STXBP6: variants seen among roughly 807,000 people sequenced by gnomAD.
The protein encoded by STXBP6 is syntaxin binding protein 6, also known as syntaxin-binding protein 6.
In STXBP6, 21 loss-of-function variants were observed where a neutral mutation model predicts 26.9. That is an observed-to-expected ratio of 0.78 (90% CI 0.55 to 1.12). The LOEUF is 1.12. STXBP6 is among the 50% of genes most tolerant of loss of function. STXBP6 has a pLI of 0.00. For missense variants in STXBP6, 232 were observed against 257.9 expected (o/e 0.90, Z 0.69); for synonymous variants, 97 against 92.6 (o/e 1.05, Z -0.27).
chr14:24,946,542 G>T (rs1478810128), intron 2 of STXBP6, among the ~76,000 whole-genome samples: 1 of 152,166 alleles, frequency 6.6e-6, no homozygotes. Context: ...TGGTGAAAGA[G>T]GACTGGAAAA....
At chr14:24,978,457 C>G (rs77586768) in intron 1 of STXBP6, among the ~76,000 whole-genome samples, 5,030 of 152,242 alleles carry the variant, frequency 0.033, 115 homozygotes, top group Middle Eastern at 0.078. Context: ...CTTTATCAAG[C>G]CTTACGTCTT....
At chr14:24,848,147 A>G (rs1025840445) in intron 4 of STXBP6, among the ~76,000 whole-genome samples, 1 of 152,194 alleles carries the variant, frequency 6.6e-6, no homozygotes, top group African/African-American at 2.4e-5. Context: ...GCATATTTGT[A>G]GTGTTTAAAA....
At chr14:25,026,577 AC>A (rs1223084540) in intron 1 of STXBP6, among the ~76,000 whole-genome samples, 2 of 152,218 alleles carry the variant, frequency 1.3e-5, no homozygotes, top group African/African-American at 4.8e-5. Flanking sequence ...GTCCGATCTT[AC>A]CACCAAGTGA....
At chr14:24,929,440 C>A (rs537210187) in intron 2 of STXBP6, among the ~76,000 whole-genome samples, 18 of 152,204 alleles carry the variant, frequency 1.2e-4, no homozygotes, top group Admixed American at 1.2e-3. Context: ...CCAAACCATT[C>A]CCTTTCTGAT....
chr14:24,840,351 T>G (rs1437277387), intron 4 of STXBP6, among the ~76,000 whole-genome samples: 1 of 152,196 alleles, frequency 6.6e-6, no homozygotes, highest in Non-Finnish European at 1.5e-5. Flanking sequence ...TTACTTTTCC[T>G]CAACAAGATG....
At chr14:24,981,193 AT>A (rs1422575206) in intron 1 of STXBP6, among the ~76,000 whole-genome samples, 1 of 152,214 alleles carries the variant, frequency 6.6e-6, no homozygotes, top group Non-Finnish European at 1.5e-5. Context: ...CTAATCCCAA[AT>A]GTGTAATCAA....
chr14:24,914,762 T>A (rs1168772036), intron 2 of STXBP6, among the ~76,000 whole-genome samples: 1 of 152,222 alleles, frequency 6.6e-6, no homozygotes, highest in Non-Finnish European at 1.5e-5. Flanking sequence ...AATTCTTTGA[T>A]GGAGATTTAT....
rs1477246658 is a variant in STXBP6, at chr14:24,812,565, A to G, written c.*144T>C. 1 of 701,486 alleles carries G rather than the reference A, an allele frequency of 1.4e-6. No individual in the cohort carries two copies. The highest frequency in any genetic ancestry group is 1.8e-5 in the African/African-American group (1 of 55,360). 43.5% of individuals were successfully genotyped at this position (701,486 alleles called of 1,614,324 possible). ...ATGCAACACCCTTTCTTTCACATTA[A>G]CATCTGAAAAGAAAAAACAAAAACC... On this transcript the variant is annotated 3_prime_UTR_variant, in exon 6 of 6. Transcript: ENST00000323944.
At chr14:25,019,923 A>G (rs1375375002) in intron 1 of STXBP6, among the ~76,000 whole-genome samples, 2 of 150,974 alleles carry the variant, frequency 1.3e-5, no homozygotes, top group African/African-American at 4.9e-5. Context: ...TCAAGTATAA[A>G]AAATGCTGGT....
At chr14:24,862,638 T>C (rs761405222) in intron 2 of STXBP6, among the ~76,000 whole-genome samples, 2 of 152,020 alleles carry the variant, frequency 1.3e-5, no homozygotes, top group Non-Finnish European at 2.9e-5. Context: ...TCTCCAAAAG[T>C]GGAAGAAGAA....
At chr14:25,021,774 C>T (rs930859099) in intron 1 of STXBP6, among the ~76,000 whole-genome samples, 1 of 152,288 alleles carries the variant, frequency 6.6e-6, no homozygotes, top group Non-Finnish European at 1.5e-5. Context: ...GAACCTAGGC[C>T]CCCTTTCTCT....
chr14:24,995,030 A>C (rs75283407), intron 1 of STXBP6: 3 of 152,534 alleles, frequency 2.0e-5, no homozygotes, highest in Admixed American at 6.7e-5. Context: ...AAAAAAAAAA[A>C]CCACACACAC....
chr14:24,990,328 G>C (rs2140281403), intron 1 of STXBP6, among the ~76,000 whole-genome samples: 1 of 152,252 alleles, frequency 6.6e-6, no homozygotes, highest in Non-Finnish European at 1.5e-5. Flanking sequence ...GCCCGACTTA[G>C]GAAGAATCAA....
At chr14:24,865,068 A>C (rs1230886111) in intron 2 of STXBP6, among the ~76,000 whole-genome samples, 1 of 33,956 alleles carries the variant, frequency 2.9e-5, no homozygotes, top group Non-Finnish European at 1.5e-4. Context: ...AAAATATTTT[A>C]ATTTTTAATT....
At chr14:25,047,236 C>G (rs2075741281) in intron 1 of STXBP6, among the ~76,000 whole-genome samples, 1 of 152,112 alleles carries the variant, frequency 6.6e-6, no homozygotes, top group African/African-American at 2.4e-5. Flanking sequence ...CCGGCACTAC[C>G]CAAGGGTGAT....
At chr14:24,965,002 C>T (rs1180237619) in intron 2 of STXBP6, among the ~76,000 whole-genome samples, 1 of 152,134 alleles carries the variant, frequency 6.6e-6, no homozygotes, top group Admixed American at 6.6e-5. Context: ...CAGTATTGTG[C>T]AAATATTCAT....
chr14:24,892,765 A>G (rs996004680), intron 2 of STXBP6, among the ~76,000 whole-genome samples: 1 of 152,176 alleles, frequency 6.6e-6, no homozygotes. Flanking sequence ...TGAGAGCTGC[A>G]ATGGGCCATG....
intron 4 of STXBP6, among the ~76,000 whole-genome samples, chr14:24,844,057 A>C (rs2068865710): frequency 6.6e-6 from 1 of 152,158 alleles, no homozygotes; most frequent in South Asian, 2.1e-4. Flanking sequence ...AGATACAGTC[A>C]ATCACCAATG....
intron 2 of STXBP6, among the ~76,000 whole-genome samples, chr14:24,970,442 T>C (rs1041500566): frequency 6.6e-6 from 1 of 152,286 alleles, no homozygotes; most frequent in African/African-American, 2.4e-5. Context: ...ATCTTACTTT[T>C]GTCTGTTCTA....
Sources: allele counts gnomAD v4.1 joint callset (sites outside exome capture counted in the v4.1 genomes callset), GRCh38; gene constraint gnomAD v4.1.1; transcripts MANE v1.5; gene names NCBI Gene and HGNC (gene_info 2026-07-23, HGNC 2026-07-21).